The following CARM1 variants were observed in gnomAD, a reference collection of about 807,000 sequenced individuals.
The protein encoded by CARM1 is coactivator associated arginine methyltransferase 1.
In CARM1, 14 loss-of-function variants were observed where a neutral mutation model predicts 72.7. The observed-to-expected ratio is 0.19, with a 90% CI of 0.13 to 0.30. CARM1 has a LOEUF of 0.30. CARM1 is among the 10% of genes least tolerant of loss of function. CARM1 has a pLI of 1.00. For missense variants in CARM1, 432 were observed against 833.7 expected, an observed-to-expected ratio of 0.52 and a Z score of 5.93; for synonymous variants, 333 against 345.5, an observed-to-expected ratio of 0.96 and a Z score of 0.40.
chr19:10,908,173 C>T (rs1359350193), intron 3 of CARM1, 28 bp downstream of exon 3: 5 of 1,483,438 alleles, frequency 3.4e-6, no homozygotes, highest in Admixed American at 1.7e-5. Flanking sequence ...TCAGCCAGGC[C>T]GCCTCCCCCC....
Position 10,914,953 on chromosome 19 carries a change from C to T in CARM1, c.847+899C>T, listed in dbSNP as rs139950855. On this transcript the variant is annotated intron_variant, in intron 6 of 15. Coordinates refer to ENST00000327064, the MANE Select transcript of CARM1 (RefSeq NM_199141.2). ...GCTCTTCTCATGCTAGGTATGTGAGCGTCTGAGCATTTCTGTACAGGCAAG... is the reference window on the plus strand; with the variant it reads ...GCTCTTCTCATGCTAGGTATGTGAGTGTCTGAGCATTTCTGTACAGGCAAG... Among the ~76,000 whole-genome samples the T allele has an allele frequency of 3.1e-3, 473 of 152,294 alleles. 1 individual carries two copies. The highest frequency in any genetic ancestry group is 0.011 in the African/African-American group (449 of 41,564).
chr19:10,921,187 G>A (rs1462888862), intron 14 of CARM1, 60 bp downstream of exon 14: 27 of 1,549,656 alleles, frequency 1.7e-5, no homozygotes, highest in East Asian at 4.5e-5. Flanking sequence ...CCCAGGGGCC[G>A]GGAAGGGCCT....
intron 1 of CARM1, among the ~76,000 whole-genome samples, chr19:10,889,315 A>T (rs1026595165): frequency 5.8e-5 from 8 of 138,566 alleles, no homozygotes; most frequent in East Asian, 2.1e-4. Context: ...CAATTTGAGA[A>T]TTTTTTTTTT....
At chr19:10,873,624 G>GTTTTTTTTTTTTTTTTTT (rs1169565864) in intron 1 of CARM1, among the ~76,000 whole-genome samples, 2 of 47,344 alleles carry the variant, frequency 4.2e-5, no homozygotes, top group Non-Finnish European at 7.2e-5. Flanking sequence ...TTTTAGTTTA[G>GTTTTTTTTTTTTTTTTTT]TTTTTTTTTT....
chr19:10,892,187 G>A (rs980355245), intron 1 of CARM1, among the ~76,000 whole-genome samples: 3 of 152,186 alleles, frequency 2.0e-5, no homozygotes, highest in African/African-American at 7.2e-5. Context: ...TGGATATTTA[G>A]GTTTTCTGCT....
intron 2 of CARM1, 81 bp from the exon 3 acceptor site, chr19:10,907,958 G>A (rs984814756): frequency 7.3e-6 from 6 of 821,558 alleles, no homozygotes; most frequent in South Asian, 5.6e-5. Flanking sequence ...CAGGACATAC[G>A]GCCATCCAGA....
At chr19:10,909,786 C>T (rs2074134167) in intron 4 of CARM1, among the ~76,000 whole-genome samples, 1 of 152,060 alleles carries the variant, frequency 6.6e-6, no homozygotes, top group Non-Finnish European at 1.5e-5. Flanking sequence ...AAAACAAATG[C>T]ATTTGATATA....
intron 1 of CARM1, among the ~76,000 whole-genome samples, chr19:10,904,674 G>T (rs1323300840): frequency 6.6e-6 from 1 of 152,218 alleles, no homozygotes; most frequent in Non-Finnish European, 1.5e-5. Flanking sequence ...ATGCCTTGTG[G>T]CCCTGTCTGC....
In CARM1 at chr19:10,912,418, T is replaced by C; in HGVS notation, c.669+124T>C. 5 of 695,714 alleles carry C rather than the reference T, an allele frequency of 7.2e-6. No homozygotes were observed. In the East Asian group the frequency reaches 1.3e-4, roughly 18 times the overall value. 43.1% of individuals were successfully genotyped at this position (695,714 alleles called of 1,614,324 possible). A position where few individuals can be genotyped will look rare whatever the true frequency, so the allele number is the denominator to read the frequency against. ...ACATTACTTCTGTGCTTTGGTCTCT[T>C]TATTGTCCCCAAGACAGTCATTTCA... is the stretch of plus-strand genomic sequence containing the variant. On this transcript the variant is annotated intron_variant, in intron 5 of 15. Transcript: ENST00000327064. This position sits in a 1 kb window ranked among gnomAD's most constrained non-coding sequence, Gnocchi z 4.5.
At chr19:10,881,226 A>G (rs1029605208) in intron 1 of CARM1, among the ~76,000 whole-genome samples, 2 of 152,238 alleles carry the variant, frequency 1.3e-5, no homozygotes, top group African/African-American at 4.8e-5. Flanking sequence ...AAGAAAAGAA[A>G]AGCTTTGCCC....
At chr19:10,885,988 C>T (rs773832558) in intron 1 of CARM1, among the ~76,000 whole-genome samples, 22 of 151,302 alleles carry the variant, frequency 1.5e-4, no homozygotes, top group Non-Finnish European at 2.9e-4. Flanking sequence ...ATGCTCCTGC[C>T]TCAGCCTCCC....
At chr19:10,911,806 A>T (rs977632394) in intron 4 of CARM1, among the ~76,000 whole-genome samples, 2 of 152,226 alleles carry the variant, frequency 1.3e-5, no homozygotes, top group Admixed American at 6.5e-5. Flanking sequence ...GGCATGAGTC[A>T]GCATGGAGCT....
At chr19:10,886,606 T>A (rs1362475608) in intron 1 of CARM1, among the ~76,000 whole-genome samples, 1 of 151,654 alleles carries the variant, frequency 6.6e-6, no homozygotes, top group Non-Finnish European at 1.5e-5. Context: ...GGCAGGTGGA[T>A]CACAAGGTCA....
In CARM1 at chr19:10,912,305, C is replaced by G. The variant is rs771000764; in HGVS notation, c.669+11C>G. ...GCCCAGCACGCTGAGGTCAGTGGCC[C>G]GCTGGTGCCCACCCAGCCTCGTCCT... On this transcript the variant is annotated intron_variant, in intron 5 of 15. Transcript: ENST00000327064. This position sits in a 1 kb window ranked among gnomAD's most constrained non-coding sequence, Gnocchi z 4.5. 5.7e-6 allele frequency: 9 copies of G among 1,592,882 alleles called. No homozygotes were observed. The highest frequency in any genetic ancestry group is 7.7e-6 in the Non-Finnish European group (9 of 1,161,292).
At chr19:10,894,410 G>T (rs2074009362) in intron 1 of CARM1, among the ~76,000 whole-genome samples, 2 of 152,144 alleles carry the variant, frequency 1.3e-5, no homozygotes, top group South Asian at 4.1e-4. Context: ...GGCCACGGGG[G>T]GTCGGGGTGT....
In CARM1 at chr19:10,912,075, T is replaced by G; in HGVS notation, c.559-109T>G. The G allele has an allele frequency of 1.2e-6, 1 of 831,558 alleles. No homozygotes were observed. The highest frequency in any genetic ancestry group is 1.4e-5 in the South Asian group (1 of 73,334). 51.5% of individuals were successfully genotyped at this position (831,558 alleles called of 1,614,324 possible). A position where few individuals can be genotyped will look rare whatever the true frequency, so the allele number is the denominator to read the frequency against. ...CCAAGAGCCCATAAAGGGCAAACAT[T>G]GAGAGTGAAGACAGACGCCTCATGA... On this transcript the variant is annotated intron_variant, in intron 4 of 15. Coordinates refer to ENST00000327064, the MANE Select transcript of CARM1 (RefSeq NM_199141.2). The surrounding 1 kb of genome is among the most constrained non-coding windows in gnomAD (Gnocchi z 4.5).
At chr19:10,879,663 A>T (rs2073887576) in intron 1 of CARM1, among the ~76,000 whole-genome samples, 1 of 152,092 alleles carries the variant, frequency 6.6e-6, no homozygotes, top group Admixed American at 6.6e-5. Context: ...CCCAGGCTGG[A>T]GCACAGTGGC....
chr19:10,912,350 G>A lies in CARM1; in HGVS notation c.669+56G>A, dbSNP rs1003134545. The A allele has an allele frequency of 3.2e-5, 43 of 1,329,758 alleles. No homozygotes were observed. In the East Asian group the frequency reaches 3.7e-4, roughly 11 times the overall value. The allele number at this position is 1,329,758 out of a possible 1,614,324, so 82.4% of individuals were successfully genotyped here. On this transcript the variant is annotated intron_variant, in intron 5 of 15. Transcript: ENST00000327064. This position sits in a 1 kb window ranked among gnomAD's most constrained non-coding sequence, Gnocchi z 4.5. ...CGTCCTCGCCCATGAGTGCCATGCCGGCCCCAGCCTAGAGAAGCTTGGGAA... is the reference window on the plus strand; with the variant it reads ...CGTCCTCGCCCATGAGTGCCATGCCAGCCCCAGCCTAGAGAAGCTTGGGAA...
chr19:10,911,306 A>G (rs908861209), intron 4 of CARM1, among the ~76,000 whole-genome samples: 2 of 152,046 alleles, frequency 1.3e-5, no homozygotes, highest in African/African-American at 4.8e-5. Context: ...ACGCCCCCCT[A>G]GCATCGCTTA....
Sources: allele counts gnomAD v4.1 joint callset (sites outside exome capture counted in the v4.1 genomes callset), GRCh38; gene constraint gnomAD v4.1.1; non-coding constraint Gnocchi (gnomAD v3.1); transcripts MANE v1.5; gene names NCBI Gene and HGNC (gene_info 2026-07-23, HGNC 2026-07-21).